The following CLTC variants were observed in gnomAD, a reference collection of about 807,000 sequenced individuals.
CLTC encodes the protein clathrin heavy chain 1.
CLTC carries 16 observed loss-of-function variants against 195.8 expected under a neutral mutation model. That is an observed-to-expected ratio of 0.08 (90% CI 0.06 to 0.12). The LOEUF is 0.12. Ranked by LOEUF, CLTC falls within the 10% of genes least tolerant of loss-of-function variation. The pLI is 1.00. For missense variants in CLTC, 796 were observed against 2,027.0 expected (o/e 0.39, Z 11.66); for synonymous variants, 667 against 689.4 (o/e 0.97, Z 0.51).
rs774866092 is a variant in CLTC, at chr17:59,681,669, A to G, written c.3272A>G (p.Asn1091Ser). ...AVQVLIEHIG[N>S]LDRAYEFAER... Reference sequence around the variant, plus strand: ...TAGGTCTTAATTGAGCATATTGGAAACTTGGATCGGGCATATGAGTTTGCT... The same window carrying G: ...TAGGTCTTAATTGAGCATATTGGAAGCTTGGATCGGGCATATGAGTTTGCT... The change falls in exon 21 of 32, where the codon AAC becomes AGC. Residue 1091 changes from asparagine to serine, a missense_variant. Coordinates refer to ENST00000269122, the MANE Select transcript of CLTC (RefSeq NM_004859.4). The surrounding 1 kb of genome is among the most constrained non-coding windows in gnomAD (Gnocchi z 5.0). The G allele has an allele frequency of 6.2e-7, 1 of 1,612,924 alleles. No homozygotes were observed. Among genetic ancestry groups the G allele is most frequent in the South Asian group, 1.1e-5 (1 of 90,940 alleles).
At chr17:59,627,164 G>A (rs1013402591) in intron 1 of CLTC, among the ~76,000 whole-genome samples, 5 of 152,200 alleles carry the variant, frequency 3.3e-5, no homozygotes, top group Non-Finnish European at 5.9e-5. Flanking sequence ...GCCTCCCAAA[G>A]TGCTGAAATT....
Position 59,648,145 on chromosome 17 carries a change from AGAT to A in CLTC, c.520-92_520-90del, listed in dbSNP as rs2032242618. The A allele has an allele frequency of 8.7e-7, 1 of 1,151,970 alleles. No homozygotes were observed. The highest frequency in any genetic ancestry group is 2.3e-5 in the Admixed American group (1 of 42,586). The allele number at this position is 1,151,970 out of a possible 1,614,324, so 71.4% of individuals were successfully genotyped here. On this transcript the variant is annotated intron_variant, in intron 3 of 31. Coordinates refer to ENST00000269122, the MANE Select transcript of CLTC (RefSeq NM_004859.4). The surrounding 1 kb of genome is among the most constrained non-coding windows in gnomAD (Gnocchi z 4.5). ...GACAAATAATTATAAATCCTGCTAA[AGAT>A]GACAAAGCATTCTAATTATTTCATT...
intron 1 of CLTC, among the ~76,000 whole-genome samples, chr17:59,627,773 C>G (rs925053744): frequency 2.0e-5 from 3 of 152,166 alleles, no homozygotes; most frequent in Non-Finnish European, 4.4e-5. Context: ...GTCTGCATCC[C>G]TCTCATAAGA....
intron 5 of CLTC, among the ~76,000 whole-genome samples, chr17:59,652,981 T>G (rs1465017673): frequency 6.6e-6 from 1 of 152,262 alleles, no homozygotes; most frequent in East Asian, 1.9e-4. Flanking sequence ...ACCTTGCACT[T>G]TTATGTTATA....
At chr17:59,656,925 G>T (rs1183639695) in intron 6 of CLTC, among the ~76,000 whole-genome samples, 1 of 151,984 alleles carries the variant, frequency 6.6e-6, no homozygotes, top group Non-Finnish European at 1.5e-5. Flanking sequence ...ACCCGCCCCA[G>T]CCTCCCAAAG....
chr17:59,663,793 T>G (rs538024720), intron 8 of CLTC, 49 bp from the exon 9 acceptor site: 1 of 1,558,430 alleles, frequency 6.4e-7, no homozygotes, highest in Admixed American at 1.9e-5. Context: ...ACTGCTCATT[T>G]CTAAAACAGT....
intron 17 of CLTC, among the ~76,000 whole-genome samples, chr17:59,679,040 G>A (rs1053849466): frequency 2.0e-5 from 3 of 152,152 alleles, no homozygotes; most frequent in African/African-American, 4.8e-5. Flanking sequence ...GAGCTTTAGT[G>A]TATTTGCTTC....
rs2033107305 is a variant in CLTC at position 59,682,807 on chromosome 17, A to C, written c.3765+14A>C. The stretch of plus-strand genomic sequence containing the variant: ...ACATGGAAAGAGGTAATCTAAACCC[A>C]AGTTTGAGTGAAGAATTAAAGAAAC... On this transcript the variant is annotated intron_variant, in intron 23 of 31. Transcript: ENST00000269122. This position sits in a 1 kb window ranked among gnomAD's most constrained non-coding sequence, Gnocchi z 6.8. 6.2e-7 allele frequency: 1 copy of C among 1,612,340 alleles called. No homozygotes were observed. The highest frequency in any genetic ancestry group is 8.5e-7 in the Non-Finnish European group (1 of 1,178,946).
intron 14 of CLTC, among the ~76,000 whole-genome samples, chr17:59,673,293 T>C (rs1251703347): frequency 6.6e-6 from 1 of 152,194 alleles, no homozygotes; most frequent in Admixed American, 6.5e-5. Context: ...ACTATAGTTA[T>C]TAAGTTGATT....
In CLTC at chr17:59,685,002, TATA is replaced by T; in HGVS notation, c.4435-51_4435-49del. 3.6e-6 allele frequency: 5 copies of T among 1,405,860 alleles called. No homozygotes were observed. The highest frequency in any genetic ancestry group is 4.8e-6 in the Non-Finnish European group (5 of 1,050,928). 87.1% of individuals were successfully genotyped at this position (1,405,860 alleles called of 1,614,324 possible). A position where few individuals can be genotyped will look rare whatever the true frequency, so the allele number is the denominator to read the frequency against. ...AGGGGCTCATTGATTGAGAACGGAA[TATA>T]ATGTTAAACAAAATACTGATCTGGC... On this transcript the variant is annotated intron_variant, in intron 28 of 31. Coordinates refer to ENST00000269122, the MANE Select transcript of CLTC (RefSeq NM_004859.4). The surrounding 1 kb of genome is among the most constrained non-coding windows in gnomAD (Gnocchi z 5.0).
chr17:59,642,010 T>G (rs577177666), intron 1 of CLTC, among the ~76,000 whole-genome samples: 40 of 151,532 alleles, frequency 2.6e-4, no homozygotes, highest in African/African-American at 7.3e-4. Flanking sequence ...TTTTTTTTTT[T>G]TTTTTTTTTT....
chr17:59,663,814 C>G, intron 8 of CLTC, 28 bp from the exon 9 acceptor site: 1 of 1,601,440 alleles, frequency 6.2e-7, no homozygotes, highest in South Asian at 1.1e-5. Flanking sequence ...TCATGGATCA[C>G]TAAACAATCT....
chr17:59,628,460 G>A (rs1034897790), intron 1 of CLTC, among the ~76,000 whole-genome samples: 6 of 152,118 alleles, frequency 3.9e-5, no homozygotes, highest in Non-Finnish European at 2.9e-5. Flanking sequence ...GTCCACTTGA[G>A]TTGAATATAT....
At position 59,677,192 on chromosome 17, in the gene CLTC, A is replaced by G. The variant is rs779888012; in HGVS notation, c.2796+4A>G. On this transcript the variant is annotated splice_donor_region_variant and intron_variant, in intron 17 of 31. Transcript: ENST00000269122. ...ATGTGATCTGGAACTTATTAATGTG[A>G]GTACTGCTAGCTGAATATGTAGAGA... is the stretch of plus-strand genomic sequence containing the variant. The G allele has an allele frequency of 1.9e-6, 3 of 1,600,344 alleles. No individual in the cohort carries two copies. The highest frequency in any genetic ancestry group is 1.7e-6 in the Non-Finnish European group (2 of 1,167,594).
Position 59,661,465 on chromosome 17 carries a change from C to T in CLTC, c.1190C>T (p.Thr397Ile). The part of the protein sequence containing the change: ...APKGILRTPD[T>I]IRRFQSVPAQ... Reference sequence around the variant, plus strand: ...AAGGGAATTCTTCGTACTCCAGACACTATCCGTCGGTTCCAGAGTGTCCCA... The same window carrying T: ...AAGGGAATTCTTCGTACTCCAGACATTATCCGTCGGTTCCAGAGTGTCCCA... The change falls in exon 8 of 32, where the codon ACT becomes ATT. Residue 397 changes from threonine to isoleucine, a missense_variant. Physicochemically the swap from Thr to Ile is moderately conservative, Grantham distance 89. Transcript: ENST00000269122. 1.2e-6 allele frequency: 2 copies of T among 1,613,986 alleles called. No individual in the cohort carries two copies. Among genetic ancestry groups the T allele is most frequent in the Non-Finnish European group, 1.7e-6 (2 of 1,179,908 alleles).
chr17:59,657,493 T>G (rs1353053564), intron 6 of CLTC, among the ~76,000 whole-genome samples: 1 of 151,978 alleles, frequency 6.6e-6, no homozygotes, highest in Non-Finnish European at 1.5e-5. Context: ...AAGGCTAGGC[T>G]CAGTGGCTCA....
intron 5 of CLTC, among the ~76,000 whole-genome samples, chr17:59,651,692 A>G (rs2032332341): frequency 6.6e-6 from 1 of 152,234 alleles, no homozygotes; most frequent in Admixed American, 6.5e-5. Context: ...TTGCTAAAAA[A>G]TGTTAATGAT....
chr17:59,691,575 G>C (rs1338318817), intron 31 of CLTC, among the ~76,000 whole-genome samples: 5 of 150,772 alleles, frequency 3.3e-5, no homozygotes, highest in African/African-American at 1.2e-4. Flanking sequence ...AGTGAGCCGA[G>C]GTCGTGCCAC....
At chr17:59,632,415 A>G (rs2031750410) in intron 1 of CLTC, among the ~76,000 whole-genome samples, 2 of 151,972 alleles carry the variant, frequency 1.3e-5, no homozygotes, top group African/African-American at 4.8e-5. Context: ...TTGGAATGGA[A>G]GCTCTTTTCA....
Sources: gnomAD v4.1 joint callset for allele counts (sites outside exome capture counted in the v4.1 genomes callset) on GRCh38, gnomAD v4.1.1 for gene constraint, Gnocchi (gnomAD v3.1) non-coding constraint, MANE v1.5 for transcripts, NCBI Gene and HGNC (gene_info 2026-07-23, HGNC 2026-07-21) for gene names.